The following SASH1 variants were observed in gnomAD, a reference collection of about 807,000 sequenced individuals.
SASH1 encodes the protein SAM and SH3 domain-containing protein 1.
SASH1 carries 44 observed loss-of-function variants against 125.2 expected under a neutral mutation model. The ratio of observed to expected loss-of-function variants is 0.35; its 90% CI spans 0.28 to 0.45. The LOEUF is 0.45. SASH1 is among the 20% of genes least tolerant of loss of function. The pLI, the probability that SASH1 is intolerant of heterozygous loss-of-function variation, is 1.00. For missense variants in SASH1, 1,426 were observed against 1,614.5 expected (o/e 0.88, Z 2.00); for synonymous variants, 639 against 649.1 (o/e 0.98, Z 0.24).
At chr6:148,543,392 C>CCTT (rs1487747141) in intron 17 of SASH1, among the ~76,000 whole-genome samples, 1 of 152,144 alleles carries the variant, frequency 6.6e-6, no homozygotes, top group African/African-American at 2.4e-5. Context: ...AGACTTAAGC[C>CCTT]AAGATTTATT....
chr6:148,374,564 G>C (rs78072374), intron 1 of SASH1, among the ~76,000 whole-genome samples: 3,849 of 152,238 alleles, frequency 0.025, 173 homozygotes, highest in African/African-American at 0.089. Context: ...AGGCAGAAAT[G>C]ACTGTCAAGT....
At chr6:148,347,137 T>G (rs1429975597) in intron 1 of SASH1, among the ~76,000 whole-genome samples, 1 of 152,158 alleles carries the variant, frequency 6.6e-6, no homozygotes, top group Non-Finnish European at 1.5e-5. Flanking sequence ...GATTTATCCA[T>G]TTGGTAAATT....
chr6:148,245,913 C>G, the SASH1 span, among the ~76,000 whole-genome samples: 5 of 151,168 alleles, frequency 3.3e-5, no homozygotes, highest in African/African-American at 9.7e-5. Context: ...GGCGTGAACC[C>G]GGGAGATGGA....
At chr6:148,202,681 G>A in the SASH1 span, among the ~76,000 whole-genome samples, 1 of 152,226 alleles carries the variant, frequency 6.6e-6, no homozygotes, top group Non-Finnish European at 1.5e-5. Context: ...AAGGTGAGGA[G>A]CAGTGGCTCA....
At chr6:148,354,174 C>T (rs1781840164) in intron 1 of SASH1, among the ~76,000 whole-genome samples, 1 of 150,490 alleles carries the variant, frequency 6.6e-6, no homozygotes, top group Non-Finnish European at 1.5e-5. Context: ...CAAAACAAAG[C>T]AAAACAGAAC....
intron 8 of SASH1, among the ~76,000 whole-genome samples, chr6:148,490,216 G>C (rs544418567): frequency 2.6e-5 from 4 of 151,444 alleles, no homozygotes; most frequent in African/African-American, 7.3e-5. Context: ...TTTCATATAG[G>C]CTTTTTTTTT....
intron 16 of SASH1, among the ~76,000 whole-genome samples, chr6:148,537,774 TTCTG>T (rs1428510271): frequency 3.0e-4 from 33 of 110,834 alleles, no homozygotes; most frequent in African/African-American, 9.0e-4. Flanking sequence ...TCTTAGCATA[TTCTG>T]TGTGTGTGTG....
At chr6:148,406,862 C>T (rs1020112722) in intron 2 of SASH1, among the ~76,000 whole-genome samples, 2 of 147,706 alleles carry the variant, frequency 1.4e-5, no homozygotes, top group Admixed American at 6.7e-5. Context: ...GAGAATCAGG[C>T]GCTCCAAGGG....
chr6:148,381,740 C>T (rs918747642), intron 1 of SASH1, among the ~76,000 whole-genome samples: 1 of 143,464 alleles, frequency 7.0e-6, no homozygotes, highest in Non-Finnish European at 1.5e-5. Context: ...GTGATTCTCT[C>T]GCCTCAGCTT....
At chr6:148,411,166 CAAAAAAAAAAAAAAAAAAAAAAA>C (rs56342457) in intron 2 of SASH1, among the ~76,000 whole-genome samples, 14 of 46,174 alleles carry the variant, frequency 3.0e-4, no homozygotes, top group Non-Finnish European at 5.3e-4. Flanking sequence ...ACTCCATCTC[CAAAAAAAAAAAAAAAAAAAAAAA>C]AAAAAAAGGC....
intron 2 of SASH1, among the ~76,000 whole-genome samples, chr6:148,401,207 T>C (rs965278168): frequency 2.0e-5 from 3 of 151,212 alleles, no homozygotes; most frequent in Admixed American, 6.6e-5. Flanking sequence ...TGAGCCGAGA[T>C]TGCACCACTG....
chr6:148,355,276 G>A (rs928735170), intron 1 of SASH1, among the ~76,000 whole-genome samples: 2 of 152,128 alleles, frequency 1.3e-5, no homozygotes, highest in Non-Finnish European at 2.9e-5. Context: ...ATAGTCTACT[G>A]GGGTATGGTC....
chr6:148,385,138 G>A (rs1397203468), intron 1 of SASH1, among the ~76,000 whole-genome samples: 2 of 152,162 alleles, frequency 1.3e-5, no homozygotes, highest in Non-Finnish European at 2.9e-5. Context: ...AAGTAATTTG[G>A]GAAGATGTAA....
chr6:148,527,780 C>T (rs1180133197), intron 12 of SASH1, among the ~76,000 whole-genome samples, 184 bp downstream of exon 12: 3 of 152,200 alleles, frequency 2.0e-5, no homozygotes, highest in Non-Finnish European at 4.4e-5. Flanking sequence ...GCACTTTGGG[C>T]TGCTCAGCAC....
Position 148,366,372 on chromosome 6 carries a change from A to G in SASH1, c.156+23149A>G, listed in dbSNP as rs141365784. Reference sequence around the variant, plus strand: ...CACTGTGCTGAGGAACTTAGTTGCTAAGATATAGACACAAGAAAATATTGG... The same window carrying G: ...CACTGTGCTGAGGAACTTAGTTGCTGAGATATAGACACAAGAAAATATTGG... On this transcript the variant is annotated intron_variant, in intron 1 of 19. Coordinates refer to ENST00000367467, the MANE Select transcript of SASH1 (RefSeq NM_015278.5). Among the ~76,000 whole-genome samples the G allele has an allele frequency of 4.6e-5, 7 of 152,302 alleles. No homozygotes were observed. The East Asian group carries it at 1.4e-3, about 29-fold the overall frequency.
chr6:148,231,444 G>A, the SASH1 span, among the ~76,000 whole-genome samples: 4,912 of 152,220 alleles, frequency 0.032, 121 homozygotes, highest in South Asian at 0.061. Flanking sequence ...TTTCAAGATG[G>A]TTTTTCCTAA....
the SASH1 span, among the ~76,000 whole-genome samples, chr6:148,198,574 G>A: frequency 3.3e-5 from 5 of 152,306 alleles, no homozygotes; most frequent in Admixed American, 6.5e-5. Flanking sequence ...TCCATCTGAT[G>A]TTTTGAAAGG....
intron 1 of SASH1, among the ~76,000 whole-genome samples, chr6:148,384,371 C>T (rs889908279): frequency 1.3e-5 from 2 of 151,936 alleles, no homozygotes; most frequent in Admixed American, 6.6e-5. Context: ...TTTTGAACAC[C>T]TTAAAAGAAA....
intron 8 of SASH1, among the ~76,000 whole-genome samples, chr6:148,512,185 A>AG (rs1391703822): frequency 6.6e-6 from 1 of 151,768 alleles, no homozygotes; most frequent in Non-Finnish European, 1.5e-5. Flanking sequence ...CGCCCAGCTA[A>AG]TTTTTTGTAT....
Sources: gnomAD v4.1 joint callset for allele counts (sites outside exome capture counted in the v4.1 genomes callset) on GRCh38, gnomAD v4.1.1 for gene constraint, MANE v1.5 for transcripts, NCBI Gene and HGNC (gene_info 2026-07-23, HGNC 2026-07-21) for gene names.